Variants in WEE1 observed in about 807,000 individuals in gnomAD.
The protein encoded by WEE1 is WEE1 G2 checkpoint kinase.
In WEE1, 16 loss-of-function variants were observed where a neutral mutation model predicts 68.8. The observed-to-expected ratio is 0.23, with a 90% confidence interval of 0.16 to 0.35. WEE1 has a LOEUF of 0.35. Among genes scored for constraint, WEE1 ranks in the 10% least tolerant of loss-of-function variants. The pLI is 1.00. For synonymous variants in WEE1, 349 were observed against 318.7 expected (o/e 1.09, Z -1.01); for missense variants, 651 against 824.1 (o/e 0.79, Z 2.57).
At chr11:9,581,984 C>A (rs754932932) in intron 6 of WEE1, among the ~76,000 whole-genome samples, 2 of 152,250 alleles carry the variant, frequency 1.3e-5, no homozygotes, top group South Asian at 2.1e-4. Flanking sequence ...CCACCTCAGT[C>A]TTCCGAGTAG....
chr11:9,581,577 G>T lies in WEE1; in HGVS notation c.1187G>T (p.Ser396Ile). The change falls in exon 6 of 11, where the codon AGT (serine) becomes ATT (isoleucine). Residue 396 changes from serine (S) to isoleucine (I), a missense_variant. Transcript: ENST00000450114. ...ATAAGTGAAAACTACAGAATCATGA[G>T]TTACTTTAAAGAAGCAGAGTTGAAG... The part of the protein sequence containing the change: ...DAISENYRIM[S>I]YFKEAELKDL... 2.5e-6 allele frequency: 4 copies of T among 1,612,034 alleles called. No individual in the cohort carries two copies. The highest frequency in any genetic ancestry group is 3.4e-6 in the Non-Finnish European group (4 of 1,179,762).
Position 9,574,246 on chromosome 11 carries a change from G to T in WEE1, c.313G>T (p.Ala105Ser). The part of the protein sequence containing the change: ...LPGACPGADE[A>S]GGGAEGDSWE... ...CGGCGCCTGCCCGGGCGCGGACGAGGCGGGCGGTGGGGCGGAGGGCGACTC... is the reference window on the plus strand; with the variant it reads ...CGGCGCCTGCCCGGGCGCGGACGAGTCGGGCGGTGGGGCGGAGGGCGACTC... Residue 105 changes from alanine (A) to serine (S), a missense_variant, in exon 1 of 11, where the codon GCG becomes TCG. Around this residue, in one of 5 missense-constraint regions of WEE1, gnomAD observed 395 missense variants for 378.4 expected, o/e 1.04. Transcript: ENST00000450114. This position sits in a 1 kb window ranked among gnomAD's most constrained non-coding sequence, Gnocchi z 4.9. The T allele has an allele frequency of 8.3e-7, 1 of 1,203,162 alleles. No homozygotes were observed. The highest frequency in any genetic ancestry group is 1.0e-6 in the Non-Finnish European group (1 of 967,914). The allele number at this position is 1,203,162 out of a possible 1,614,324, so 74.5% of individuals were successfully genotyped here.
intron 6 of WEE1, among the ~76,000 whole-genome samples, chr11:9,582,684 C>T (rs891998731): frequency 6.6e-6 from 1 of 151,972 alleles, no homozygotes; most frequent in Non-Finnish European, 1.5e-5. Flanking sequence ...CTCCTGCCTC[C>T]GCCTCCCGAG....
Position 9,574,170 on chromosome 11 carries a change from C to A in WEE1, c.237C>A (p.Pro79=). 8.5e-7 allele frequency: 1 copy of A among 1,180,020 alleles called. No individual in the cohort carries two copies. The highest frequency in any genetic ancestry group is 1.0e-6 in the Non-Finnish European group (1 of 955,526). The allele number at this position is 1,180,020 out of a possible 1,614,324, so 73.1% of individuals were successfully genotyped here. Residue 79 remains proline (P), a synonymous_variant, in exon 1 of 11, where the codon CCC becomes CCA. Coordinates refer to ENST00000450114, the MANE Select transcript of WEE1 (RefSeq NM_003390.4). The surrounding 1 kb of genome is among the most constrained non-coding windows in gnomAD (Gnocchi z 4.9). The stretch of plus-strand genomic sequence containing the variant: ...CCGGGCCCGAGCGCCGCCGCTCGCC[C>A]GGGCCGGCCCCCGGCAGCCCCGGCG... ...TEPGPERRRS[P]GPAPGSPGEL...
chr11:9,577,132 TTTC>T lies in WEE1; in HGVS notation c.1020-5_1020-3del, dbSNP rs763696245. ...TATTTACCATTCTATTAATCTCAAA[TTTC>T]TTCTAGGCAGAACGCTTTGAGAGAA... is the stretch of plus-strand genomic sequence containing the variant. On this transcript the variant is annotated splice_region_variant and splice_polypyrimidine_tract_variant and intron_variant, in intron 4 of 10. Coordinates refer to ENST00000450114, the MANE Select transcript of WEE1 (RefSeq NM_003390.4). The T allele has an allele frequency of 1.3e-6, 2 of 1,593,716 alleles. No homozygotes were observed. Among genetic ancestry groups the T allele is most frequent in the Admixed American group, 3.7e-5 (2 of 54,290 alleles).
intron 5 of WEE1, chr11:9,578,940 T>C (rs1849594530): frequency 6.7e-6 from 1 of 148,640 alleles, no homozygotes; most frequent in Non-Finnish European, 1.5e-5. Context: ...AGAGCCTTGC[T>C]CTGTCGCCCA....
chr11:9,585,824 C>T (rs1028025538), intron 8 of WEE1, among the ~76,000 whole-genome samples: 3 of 152,154 alleles, frequency 2.0e-5, no homozygotes, highest in Non-Finnish European at 4.4e-5. Context: ...CCCATTGACT[C>T]ATAATTTTCA....
intron 6 of WEE1, among the ~76,000 whole-genome samples, chr11:9,583,798 C>CACACACAT (rs1849666116): frequency 4.5e-5 from 1 of 22,230 alleles, no homozygotes; most frequent in Non-Finnish European, 9.1e-5. Flanking sequence ...CACACACACA[C>CACACACAT]ACACATATAT....
rs766655330 is a variant in WEE1 at position 9,585,542 on chromosome 11, C to T, written c.1470+15C>T. On this transcript the variant is annotated intron_variant, in intron 8 of 10. Coordinates refer to ENST00000450114, the MANE Select transcript of WEE1 (RefSeq NM_003390.4). ...TTTTACAGGAGGTAATTTTTCTTCT[C>T]CCTTAATCATAGTTTGCTTTGTAAC... 5.1e-6 allele frequency: 8 copies of T among 1,560,140 alleles called. No individual in the cohort carries two copies. The East Asian group carries it at 1.6e-4, about 31-fold the overall frequency.
rs1263954187 is a variant in WEE1, at chr11:9,583,479, G to T, written c.1289-1779G>T. On this transcript the variant is annotated intron_variant, in intron 6 of 10. Coordinates refer to ENST00000450114, the MANE Select transcript of WEE1 (RefSeq NM_003390.4). ...AAATACAAAAAATTAGCTGGGTGTG[G>T]TGGCAGGCACCTGTAGTCCCAGCTA... is the stretch of plus-strand genomic sequence containing the variant. 2.0e-5 allele frequency among the ~76,000 whole-genome samples: 3 copies of T among 150,524 alleles called. No individual in the cohort carries two copies. The East Asian group carries it at 6.0e-4, about 30-fold the overall frequency.
At chr11:9,575,248 G>A in intron 1 of WEE1, 1 of 985,736 alleles carries the variant, frequency 1.0e-6, no homozygotes, top group Non-Finnish European at 1.2e-6. Context: ...CAGCACCTGT[G>A]TTTTGAAAGG....
chr11:9,573,924 C>T lies in WEE1; in HGVS notation c.-10C>T. 1 of 1,263,500 alleles carries T rather than the reference C, an allele frequency of 7.9e-7. No homozygotes were observed. Among genetic ancestry groups the T allele is most frequent in the Non-Finnish European group, 9.9e-7 (1 of 1,005,644 alleles). The allele number at this position is 1,263,500 out of a possible 1,614,324, so 78.3% of individuals were successfully genotyped here. A position where few individuals can be genotyped will look rare whatever the true frequency, so the allele number is the denominator to read the frequency against. The stretch of plus-strand genomic sequence containing the variant: ...GCTCTCCTGTCCTCGGCCCCGTCCC[C>T]AGGGCCGCGATGAGCTTCCTGAGCC... On this transcript the variant is annotated 5_prime_UTR_variant, in exon 1 of 11. Transcript: ENST00000450114.
chr11:9,574,293 C>T lies in WEE1; in HGVS notation c.360C>T (p.Gly120=), dbSNP rs1275897880. 4.8e-6 allele frequency: 6 copies of T among 1,258,124 alleles called. No homozygotes were observed. The highest frequency in any genetic ancestry group is 5.0e-6 in the Non-Finnish European group (5 of 1,001,310). The allele number at this position is 1,258,124 out of a possible 1,614,324, so 77.9% of individuals were successfully genotyped here. Residue 120 remains glycine, a synonymous_variant, in exon 1 of 11, where the codon GGC becomes GGT. Transcript: ENST00000450114. This position sits in a 1 kb window ranked among gnomAD's most constrained non-coding sequence, Gnocchi z 4.9. The part of the protein sequence containing the change: ...EGDSWEEEGF[G]SSSPVKSPAA... ...ACTCGTGGGAGGAGGAGGGCTTCGG[C>T]TCCTCGTCGCCGGTCAAGTCGCCGG...
chr11:9,584,898 A>T (rs1849683255), intron 6 of WEE1, among the ~76,000 whole-genome samples: 1 of 152,154 alleles, frequency 6.6e-6, no homozygotes, highest in African/African-American at 2.4e-5. Context: ...AACATAGTGA[A>T]ACCCCGTCTC....
chr11:9,587,568 TATA>T (rs1425322266), intron 10 of WEE1, among the ~76,000 whole-genome samples: 1 of 152,232 alleles, frequency 6.6e-6, no homozygotes, highest in Non-Finnish European at 1.5e-5. Flanking sequence ...GATTCTCATA[TATA>T]TGTTTTTAAT....
chr11:9,573,992 C>G lies in WEE1; in HGVS notation c.59C>G (p.Thr20Ser). Residue 20 changes from threonine to serine, a missense_variant, in exon 1 of 11, where the codon ACC becomes AGC. Around this residue, in one of 5 missense-constraint regions of WEE1, gnomAD observed 395 missense variants for 378.4 expected, o/e 1.04. Transcript: ENST00000450114. ...CCCCGCCGCGCCGGGGCGGCCTGCA[C>G]CTTGCGGCAGAAGCTGATCTTCTCG... ...PPPRRAGAAC[T>S]LRQKLIFSPC... is the part of the protein sequence containing the mutation. The G allele has an allele frequency of 7.8e-7, 1 of 1,288,818 alleles. No individual in the cohort carries two copies. The highest frequency in any genetic ancestry group is 2.3e-5 in the South Asian group (1 of 43,506). The allele number at this position is 1,288,818 out of a possible 1,614,324, so 79.8% of individuals were successfully genotyped here. A position where few individuals can be genotyped will look rare whatever the true frequency, so the allele number is the denominator to read the frequency against.
In WEE1 at chr11:9,585,504, C is replaced by G. The variant is rs769549337; in HGVS notation, c.1447C>G (p.Leu483Val). The G allele has an allele frequency of 1.3e-6, 2 of 1,594,318 alleles. No homozygotes were observed. Among genetic ancestry groups the G allele is most frequent in the Non-Finnish European group, 8.5e-7 (1 of 1,175,072 alleles). The change falls in exon 8 of 11, where the codon CTT (leucine) becomes GTT (valine). Residue 483 changes from leucine (L) to valine (V), a missense_variant. This residue lies in a region of WEE1 where 82 missense variants were observed against 123.2 expected (regional missense o/e 0.67). Coordinates refer to ENST00000450114, the MANE Select transcript of WEE1 (RefSeq NM_003390.4). ...AGTTGAAGAGGGCGATAGTCGTTTT[C>G]TTGCAAATGAAGTTTTACAGGAGGT... ...PQVEEGDSRF[L>V]ANEVLQENYT...
In WEE1 at chr11:9,574,432, C is replaced by T; in HGVS notation, c.499C>T (p.Arg167Trp). ...RRAGEGRRSP[R>W]PDHPGTPPHK... is the part of the protein sequence containing the mutation. Reference sequence around the variant, plus strand: ...GGCGGGCGAAGGCCGCCGCTCGCCGCGGCCGGACCACCCGGGCACCCCGCC... The same window carrying T: ...GGCGGGCGAAGGCCGCCGCTCGCCGTGGCCGGACCACCCGGGCACCCCGCC... The change falls in exon 1 of 11, where the codon CGG becomes TGG. Residue 167 changes from arginine (R) to tryptophan (W), a missense_variant. This residue lies in a region of WEE1 where 395 missense variants were observed against 378.4 expected (regional missense o/e 1.04). Coordinates refer to ENST00000450114, the MANE Select transcript of WEE1 (RefSeq NM_003390.4). This position sits in a 1 kb window ranked among gnomAD's most constrained non-coding sequence, Gnocchi z 4.9. 8.2e-7 allele frequency: 1 copy of T among 1,219,764 alleles called. No individual in the cohort carries two copies. Among genetic ancestry groups the T allele is most frequent in the Non-Finnish European group, 1.0e-6 (1 of 985,594 alleles). The allele number at this position is 1,219,764 out of a possible 1,614,324, so 75.6% of individuals were successfully genotyped here.
chr11:9,589,502 G>A lies in WEE1; in HGVS notation c.*900G>A. 5.1e-6 allele frequency: 5 copies of A among 985,242 alleles called. No homozygotes were observed. The South Asian group carries it at 2.4e-4, about 46-fold the overall frequency. The allele number at this position is 985,242 out of a possible 1,614,324, so 61.0% of individuals were successfully genotyped here. On this transcript the variant is annotated 3_prime_UTR_variant, in exon 11 of 11. Coordinates refer to ENST00000450114, the MANE Select transcript of WEE1 (RefSeq NM_003390.4). The stretch of plus-strand genomic sequence containing the variant: ...CCCGGTTTTTCTCTTCAATATTTGT[G>A]TATATAAACCGATCTTCGTGATACT...
Sources: gnomAD v4.1 joint callset for allele counts (sites outside exome capture counted in the v4.1 genomes callset) on GRCh38, gnomAD v4.1.1 for gene constraint, gnomAD v4.1.1 regional missense constraint, Gnocchi (gnomAD v3.1) non-coding constraint, MANE v1.5 for transcripts, NCBI Gene and HGNC (gene_info 2026-07-23, HGNC 2026-07-21) for gene names.